CMSS1: variants seen among roughly 807,000 people sequenced by gnomAD.
CMSS1 encodes the protein cms1 ribosomal small subunit homolog.
In CMSS1, 33 loss-of-function variants were observed where a neutral mutation model predicts 43.5. The ratio of observed to expected loss-of-function variants is 0.76; its 90% CI spans 0.57 to 1.01. The LOEUF (loss-of-function observed/expected upper bound fraction) is 1.01. Ranked by LOEUF, CMSS1 falls within the 50% of genes least tolerant of loss-of-function variation. The pLI, the probability that CMSS1 is intolerant of heterozygous loss-of-function variation, is 0.00. For missense variants in CMSS1, 313 were observed against 326.4 expected, an observed-to-expected ratio of 0.96 and a Z score of 0.32; for synonymous variants, 115 against 117.2, an observed-to-expected ratio of 0.98 and a Z score of 0.12.
At chr3:99,966,733 A>G (rs1214696219) in intron 1 of CMSS1, among the ~76,000 whole-genome samples, 2 of 152,220 alleles carry the variant, frequency 1.3e-5, no homozygotes, top group Admixed American at 6.5e-5. Flanking sequence ...AGTGTGTCAG[A>G]TTTGAAAAAT....
intron 1 of CMSS1, among the ~76,000 whole-genome samples, chr3:99,903,898 T>A (rs944188622): frequency 3.9e-5 from 6 of 152,182 alleles, no homozygotes; most frequent in African/African-American, 1.4e-4. Flanking sequence ...ATGGTACTCA[T>A]TTGTCCTAAA....
intron 1 of CMSS1, among the ~76,000 whole-genome samples, chr3:99,941,190 C>CT (rs538689346): frequency 9.9e-4 from 147 of 148,284 alleles, no homozygotes; most frequent in African/African-American, 2.9e-3. Flanking sequence ...TTCCTTACGT[C>CT]TTTTTTTTTT....
chr3:99,918,444 T>C (rs545082832), intron 1 of CMSS1, among the ~76,000 whole-genome samples: 1 of 152,356 alleles, frequency 6.6e-6, no homozygotes, highest in South Asian at 2.1e-4. Flanking sequence ...AGTATTCTTT[T>C]GTAAGCAATA....
chr3:100,159,454 G>C (rs1030353588), intron 2 of CMSS1, among the ~76,000 whole-genome samples: 10 of 152,162 alleles, frequency 6.6e-5, no homozygotes, highest in African/African-American at 2.4e-4. Context: ...AGATTCATCT[G>C]TAATCATTTT....
At position 99,849,751 on chromosome 3, in the gene CMSS1, A is replaced by T. The variant is rs751665212; in HGVS notation, c.64+31708A>T. On this transcript the variant is annotated intron_variant, in intron 1 of 9. Coordinates refer to ENST00000421999, the MANE Select transcript of CMSS1 (RefSeq NM_032359.4). ...CATGAGGTCATCCTCAATGGCTTTC[A>T]TGTCCTTTAGCTTCAGTTTCAGTCT... is the stretch of plus-strand genomic sequence containing the variant. 3.7e-6 allele frequency: 6 copies of T among 1,613,486 alleles called. No homozygotes were observed. In the East Asian group the frequency reaches 1.3e-4, roughly 36 times the overall value.
chr3:100,158,677 G>A (rs561007440), intron 2 of CMSS1, among the ~76,000 whole-genome samples: 4 of 152,316 alleles, frequency 2.6e-5, no homozygotes, highest in Admixed American at 1.3e-4. Context: ...TTTAACTGAA[G>A]CAATATCATG....
intron 2 of CMSS1, among the ~76,000 whole-genome samples, chr3:100,157,075 CT>C (rs2066982491): frequency 1.3e-5 from 2 of 152,148 alleles, no homozygotes; most frequent in South Asian, 4.1e-4. Flanking sequence ...TTTATGTGAT[CT>C]CTTTTTCTAT....
At chr3:100,119,589 T>C (rs1455332871) in intron 1 of CMSS1, among the ~76,000 whole-genome samples, 1 of 152,228 alleles carries the variant, frequency 6.6e-6, no homozygotes, top group African/African-American at 2.4e-5. Context: ...ATAGAATTGA[T>C]GCATCTTTGA....
chr3:100,008,426 CAT>C (rs1553705053), intron 1 of CMSS1, among the ~76,000 whole-genome samples: 1 of 152,136 alleles, frequency 6.6e-6, no homozygotes, highest in Non-Finnish European at 1.5e-5. Flanking sequence ...GGGTACCCTT[CAT>C]ATAAGTGTTA....
At chr3:100,023,879 A>G (rs2064871270) in intron 1 of CMSS1, among the ~76,000 whole-genome samples, 1 of 152,200 alleles carries the variant, frequency 6.6e-6, no homozygotes, top group Non-Finnish European at 1.5e-5. Context: ...CTCATCAAAT[A>G]ATTTTAGCAA....
intron 2 of CMSS1, among the ~76,000 whole-genome samples, chr3:100,154,069 T>C (rs972966998): frequency 6.6e-6 from 1 of 152,036 alleles, no homozygotes; most frequent in African/African-American, 2.4e-5. Flanking sequence ...AGGCTGATCT[T>C]GAACTCCTGA....
chr3:99,883,849 G>A (rs1230158725), intron 1 of CMSS1, among the ~76,000 whole-genome samples: 2 of 152,214 alleles, frequency 1.3e-5, no homozygotes, highest in Non-Finnish European at 2.9e-5. Flanking sequence ...GGAACAGAGA[G>A]GTTAGGTAAT....
chr3:99,833,947 TG>T (rs1360152037), intron 1 of CMSS1, among the ~76,000 whole-genome samples: 4 of 152,276 alleles, frequency 2.6e-5, no homozygotes, highest in Admixed American at 6.5e-5. Flanking sequence ...GCAATGATGA[TG>T]GATATGGTGA....
chr3:100,009,543 C>A (rs1352886966), intron 1 of CMSS1, among the ~76,000 whole-genome samples: 1 of 152,200 alleles, frequency 6.6e-6, no homozygotes, highest in African/African-American at 2.4e-5. Context: ...TGAGCCTTTT[C>A]ACTTGATAGA....
At chr3:99,884,544 C>T (rs899458226) in intron 1 of CMSS1, among the ~76,000 whole-genome samples, 3 of 152,298 alleles carry the variant, frequency 2.0e-5, no homozygotes, top group Non-Finnish European at 4.4e-5. Context: ...GTCACTCTGC[C>T]TACCTGCTGT....
chr3:99,915,868 C>T (rs1706934616), intron 1 of CMSS1, among the ~76,000 whole-genome samples: 1 of 152,178 alleles, frequency 6.6e-6, no homozygotes, highest in South Asian at 2.1e-4. Context: ...CACTTGAAAA[C>T]TCTTATTAAT....
intron 1 of CMSS1, among the ~76,000 whole-genome samples, chr3:99,934,684 A>G (rs959081549): frequency 1.3e-5 from 2 of 152,248 alleles, no homozygotes; most frequent in East Asian, 3.8e-4. Flanking sequence ...CTGAGCTGCA[A>G]CAGAAGACTG....
chr3:100,034,852 C>G (rs192213324), intron 1 of CMSS1, among the ~76,000 whole-genome samples: 42 of 152,252 alleles, frequency 2.8e-4, no homozygotes, highest in African/African-American at 1.0e-3. Context: ...TATATACATA[C>G]GAATATATTT....
intron 1 of CMSS1, among the ~76,000 whole-genome samples, chr3:100,057,751 G>A (rs1371040621): frequency 6.6e-6 from 1 of 152,162 alleles, no homozygotes; most frequent in Non-Finnish European, 1.5e-5. Context: ...ATGGATGTGA[G>A]CGTGGCTGGC....
Sources: allele counts gnomAD v4.1 joint callset (sites outside exome capture counted in the v4.1 genomes callset), GRCh38; gene constraint gnomAD v4.1.1; transcripts MANE v1.5; gene names NCBI Gene and HGNC (gene_info 2026-07-23, HGNC 2026-07-21).